The following ULK4 variants were observed in gnomAD, a reference collection of about 807,000 sequenced individuals.
ULK4 encodes inactive serine/threonine-protein kinase ULK4.
Under a neutral mutation model 160.6 loss-of-function variants are expected in ULK4, and 133 were observed. The ratio of observed to expected loss-of-function variants is 0.83; its 90% CI spans 0.72 to 0.96. The LOEUF is 0.96. Ranked by LOEUF, ULK4 falls within the 40% of genes least tolerant of loss-of-function variation. The probability of loss-of-function intolerance (pLI) is 0.00; values close to 1 mark genes in which losing one functional copy is unlikely to be tolerated. For synonymous variants in ULK4, 534 were observed against 539.8 expected (o/e 0.99, Z 0.15); for missense variants, 1,580 against 1,499.5 (o/e 1.05, Z -0.89).
At chr3:41,902,928 G>A (rs1698426856) in intron 12 of ULK4, among the ~76,000 whole-genome samples, 1 of 152,174 alleles carries the variant, frequency 6.6e-6, no homozygotes. Flanking sequence ...CTTGAGAGAA[G>A]ACAGTGATAG....
chr3:41,298,184 A>T (rs1559510853), intron 35 of ULK4, among the ~76,000 whole-genome samples: 1 of 152,274 alleles, frequency 6.6e-6, no homozygotes, highest in Admixed American at 6.5e-5. Flanking sequence ...TAAGTCTAAC[A>T]TATAAACTCA....
At chr3:41,476,775 C>T (rs1236774276) in intron 32 of ULK4, among the ~76,000 whole-genome samples, 1 of 151,916 alleles carries the variant, frequency 6.6e-6, no homozygotes, top group African/African-American at 2.4e-5. Context: ...GCCTCTTCTA[C>T]TGGTTCTAGC....
intron 31 of ULK4, among the ~76,000 whole-genome samples, chr3:41,567,886 A>T (rs1001433375): frequency 3.3e-5 from 5 of 152,210 alleles, no homozygotes; most frequent in Non-Finnish European, 7.3e-5. Context: ...GATAGTACAG[A>T]GAGTTTCCAT....
chr3:41,758,213 C>A (rs1033497823), intron 21 of ULK4, among the ~76,000 whole-genome samples: 1 of 152,260 alleles, frequency 6.6e-6, no homozygotes, highest in African/African-American at 2.4e-5. Context: ...ACTTCCCAGC[C>A]TCCAGAACAG....
chr3:41,479,687 TA>T (rs1452344478), intron 32 of ULK4, among the ~76,000 whole-genome samples: 2 of 152,018 alleles, frequency 1.3e-5, no homozygotes, highest in East Asian at 3.9e-4. Context: ...CAGAGACAGG[TA>T]GGGCAGAAGA....
intron 35 of ULK4, among the ~76,000 whole-genome samples, chr3:41,304,378 A>G (rs2125713256): frequency 6.6e-6 from 1 of 152,246 alleles, no homozygotes; most frequent in Non-Finnish European, 1.5e-5. Context: ...TAAGCCACTG[A>G]GTATCTCCAA....
chr3:41,406,849 C>A (rs886999768), intron 34 of ULK4, among the ~76,000 whole-genome samples: 3 of 152,176 alleles, frequency 2.0e-5, no homozygotes, highest in African/African-American at 7.2e-5. Flanking sequence ...AGCAATGGTT[C>A]TTAAGACACT....
chr3:41,961,550 A>ACCCCCCCTCCCCCC (rs1700669869), intron 1 of ULK4, among the ~76,000 whole-genome samples: 9 of 124,688 alleles, frequency 7.2e-5, no homozygotes, highest in African/African-American at 2.6e-4. Flanking sequence ...GTAGTCACTC[A>ACCCCCCCTCCCCCC]CCCCCCCCCC....
chr3:41,455,506 G>T lies in ULK4; in HGVS notation c.3483C>A (p.Leu1161=). 6.2e-7 allele frequency: 1 copy of T among 1,613,974 alleles called. No individual in the cohort carries two copies. Among genetic ancestry groups the T allele is most frequent in the Non-Finnish European group, 8.5e-7 (1 of 1,179,886 alleles). ...NRPLTDLISL[L]IPLLPNEDPE... ...ACAGGTGAGCTCTTACCAGTGGAAT[G>T]AGCAGGCTAATCAGGTCTGTCAGAG... Residue 1161 remains leucine, a synonymous_variant, in exon 34 of 37, where the codon CTC becomes CTA. Transcript: ENST00000301831.
intron 19 of ULK4, among the ~76,000 whole-genome samples, chr3:41,805,257 A>T (rs1242367136): frequency 3.9e-5 from 6 of 152,078 alleles, no homozygotes; most frequent in Non-Finnish European, 5.9e-5. Flanking sequence ...TGTGAATGGG[A>T]GTTCACTCAT....
chr3:41,740,145 T>C (rs998282843), intron 22 of ULK4, among the ~76,000 whole-genome samples: 1 of 151,938 alleles, frequency 6.6e-6, no homozygotes, highest in African/African-American at 2.4e-5. Context: ...TTTTGGTATA[T>C]AATTCTTCAA....
intron 35 of ULK4, among the ~76,000 whole-genome samples, chr3:41,270,440 C>T (rs58539437): frequency 2.8e-4 from 43 of 152,194 alleles, no homozygotes; most frequent in African/African-American, 7.2e-4. Flanking sequence ...CTTAGAGTCA[C>T]GAAGCAGAAA....
intron 13 of ULK4, among the ~76,000 whole-genome samples, chr3:41,899,982 AC>A (rs1412734695): frequency 6.6e-6 from 1 of 152,188 alleles, no homozygotes; most frequent in African/African-American, 2.4e-5. Context: ...ACAGAAAAAA[AC>A]ATTTATAAAT....
chr3:41,684,081 T>C (rs144694150), intron 27 of ULK4, among the ~76,000 whole-genome samples: 363 of 152,312 alleles, frequency 2.4e-3, no homozygotes, highest in African/African-American at 8.3e-3. Flanking sequence ...AGGATTTACC[T>C]ACGCTTCCAC....
chr3:41,643,224 T>A (rs1046574367), intron 30 of ULK4, among the ~76,000 whole-genome samples: 1 of 152,160 alleles, frequency 6.6e-6, no homozygotes, highest in Admixed American at 6.5e-5. Flanking sequence ...TTTTGGCTTT[T>A]GTTGCCATTG....
chr3:41,789,786 C>T lies in ULK4; in HGVS notation c.2068G>A (p.Val690Met), dbSNP rs760668691. The part of the protein sequence containing the change: ...PTAFQNVIEK[V>M]GLNSVINSLA... The stretch of plus-strand genomic sequence containing the variant: ...GAGTTTATTACTGAGTTCAGTCCCA[C>T]CTTTTCAATAACATTCTGGAAGGCA... The change falls in exon 21 of 37, where the codon GTG becomes ATG. Residue 690 changes from valine (V) to methionine (M), a missense_variant. Physicochemically the swap from Val to Met is conservative, Grantham distance 21. Transcript: ENST00000301831. 1.9e-6 allele frequency: 3 copies of T among 1,613,328 alleles called. No homozygotes were observed. Among genetic ancestry groups the T allele is most frequent in the South Asian group, 2.2e-5 (2 of 90,988 alleles).
chr3:41,249,393 G>T (rs774873067), intron 36 of ULK4, 96 bp downstream of exon 36: 39 of 1,146,018 alleles, frequency 3.4e-5, no homozygotes, highest in Non-Finnish European at 4.7e-5. Context: ...GTAGTCCCTG[G>T]TGTGGAGGGA....
intron 35 of ULK4, among the ~76,000 whole-genome samples, chr3:41,367,778 T>A (rs1210909272): frequency 6.6e-6 from 1 of 152,180 alleles, no homozygotes; most frequent in Non-Finnish European, 1.5e-5. Flanking sequence ...TGGAATTTTG[T>A]GGGAGCCAGC....
intron 30 of ULK4, among the ~76,000 whole-genome samples, chr3:41,652,702 T>G (rs1034797315): frequency 4.6e-5 from 7 of 152,210 alleles, no homozygotes; most frequent in African/African-American, 1.7e-4. Context: ...AGGAGAATCA[T>G]GCTTTTGTTT....
Sources: gnomAD v4.1 joint callset for allele counts (sites outside exome capture counted in the v4.1 genomes callset) on GRCh38, gnomAD v4.1.1 for gene constraint, MANE v1.5 for transcripts, NCBI Gene and HGNC (gene_info 2026-07-23, HGNC 2026-07-21) for gene names.